LIN7C: variants seen among roughly 807,000 people sequenced by gnomAD.
The protein encoded by LIN7C is lin-7 cell polarity scaffold C, also known as protein lin-7 homolog C.
A neutral mutation model predicts 24.7 loss-of-function variants in LIN7C; 17 were observed. That is an observed-to-expected ratio of 0.69 (90% CI 0.47 to 1.03). The LOEUF (loss-of-function observed/expected upper bound fraction) is 1.03. LIN7C is among the 50% of genes least tolerant of loss of function. The pLI, the probability that LIN7C is intolerant of heterozygous loss-of-function variation, is 0.00. For missense variants in LIN7C, 204 were observed against 239.0 expected (o/e 0.85, Z 0.97); for synonymous variants, 90 against 83.4 (o/e 1.08, Z -0.43).
At position 27,497,140 on chromosome 11, in the gene LIN7C, A is replaced by G. The variant is rs2133485774; in HGVS notation, c.*1509T>C. The G allele has an allele frequency of 6.5e-6, 1 of 152,714 alleles. No homozygotes were observed. Among genetic ancestry groups the G allele is most frequent in the South Asian group, 2.1e-4 (1 of 4,832 alleles). The allele number at this position is 152,714 out of a possible 1,614,324, so 9.5% of individuals were successfully genotyped here. A position where few individuals can be genotyped will look rare whatever the true frequency, so the allele number is the denominator to read the frequency against. The stretch of plus-strand genomic sequence containing the variant: ...ACCTTAATGATAAATAACAATGCTG[A>G]TTGACTTTTATTTTGAAAAATCATT... On this transcript the variant is annotated 3_prime_UTR_variant, in exon 5 of 5. Coordinates refer to ENST00000278193, the MANE Select transcript of LIN7C (RefSeq NM_018362.4).
intron 1 of LIN7C, among the ~76,000 whole-genome samples, chr11:27,506,160 C>G (rs1294024743): frequency 6.6e-6 from 1 of 152,190 alleles, no homozygotes; most frequent in Non-Finnish European, 1.5e-5. Flanking sequence ...TTCCCAAGAC[C>G]AAGTCAGTAG....
chr11:27,505,048 A>G (rs1487643110), intron 1 of LIN7C, among the ~76,000 whole-genome samples: 5 of 152,020 alleles, frequency 3.3e-5, no homozygotes, highest in Non-Finnish European at 5.9e-5. Flanking sequence ...AAATACAAAG[A>G]CCGGCCGGGT....
At chr11:27,505,518 TC>T (rs1326470055) in intron 1 of LIN7C, among the ~76,000 whole-genome samples, 2 of 152,208 alleles carry the variant, frequency 1.3e-5, no homozygotes, top group African/African-American at 4.8e-5. Flanking sequence ...GAGTAGCTAG[TC>T]CTCTAAAATG....
chr11:27,498,583 T>C lies in LIN7C; in HGVS notation c.*66A>G, dbSNP rs988400909. ...CTTACAATCATTGGCATTGCAGCCATTAGTAAGTCACAAGGAAAACTTCTC... is the reference window on the plus strand; with the variant it reads ...CTTACAATCATTGGCATTGCAGCCACTAGTAAGTCACAAGGAAAACTTCTC... On this transcript the variant is annotated 3_prime_UTR_variant, in exon 5 of 5. Coordinates refer to ENST00000278193, the MANE Select transcript of LIN7C (RefSeq NM_018362.4). The C allele has an allele frequency of 3.4e-5, 48 of 1,428,298 alleles. No homozygotes were observed. The African/African-American group carries it at 5.7e-4, about 17-fold the overall frequency. The allele number at this position is 1,428,298 out of a possible 1,614,324, so 88.5% of individuals were successfully genotyped here.
intron 3 of LIN7C, among the ~76,000 whole-genome samples, chr11:27,500,591 T>C (rs1865214978): frequency 6.6e-6 from 1 of 152,136 alleles, no homozygotes; most frequent in Non-Finnish European, 1.5e-5. Context: ...TCTAGTACCA[T>C]TTTTTTGTGA....
rs952930251 is a variant in LIN7C at position 27,496,655 on chromosome 11, G to A, written c.*1994C>T. 1.6e-4 allele frequency: 24 copies of A among 152,142 alleles called. No individual in the cohort carries two copies. The highest frequency in any genetic ancestry group is 5.5e-4 in the African/African-American group (23 of 41,508). The allele number at this position is 152,142 out of a possible 1,614,324, so 9.4% of individuals were successfully genotyped here. A position where few individuals can be genotyped will look rare whatever the true frequency, so the allele number is the denominator to read the frequency against. On this transcript the variant is annotated 3_prime_UTR_variant, in exon 5 of 5. Transcript: ENST00000278193. ...CACAAAGAACAGATTGTGGATTACCGTAGGGAAAAAAATAGCTTACTCAAC... is the reference window on the plus strand; with the variant it reads ...CACAAAGAACAGATTGTGGATTACCATAGGGAAAAAAATAGCTTACTCAAC...
In LIN7C at chr11:27,495,177, CAT is replaced by C. The variant is rs1865150742; in HGVS notation, c.*3470_*3471del. ...GGAGGACAATGATATTTTTTAAAAA[CAT>C]ATTTGAGGCTGGGCATGGTGGCTCA... is the stretch of plus-strand genomic sequence containing the variant. On this transcript the variant is annotated 3_prime_UTR_variant, in exon 5 of 5. Transcript: ENST00000278193. 6.6e-6 allele frequency: 1 copy of C among 152,164 alleles called. No homozygotes were observed. Among genetic ancestry groups the C allele is most frequent in the Admixed American group, 6.5e-5 (1 of 15,268 alleles). 9.4% of individuals were successfully genotyped at this position (152,164 alleles called of 1,614,324 possible). A position where few individuals can be genotyped will look rare whatever the true frequency, so the allele number is the denominator to read the frequency against.
At position 27,500,660 on chromosome 11, in the gene LIN7C, T is replaced by C. The variant is rs118005977; in HGVS notation, c.228+835A>G. 3.9e-3 allele frequency among the ~76,000 whole-genome samples: 592 copies of C among 151,326 alleles called. 3 individuals carry two copies. Among genetic ancestry groups the C allele is most frequent in the Middle Eastern group, 0.021 (6 of 292 alleles). ...AAGATTTACTGAACACCCGTTATCT[T>C]TGAAGAAATCAAGATTTACTGAATA... On this transcript the variant is annotated intron_variant, in intron 3 of 4. Coordinates refer to ENST00000278193, the MANE Select transcript of LIN7C (RefSeq NM_018362.4).
In LIN7C at chr11:27,498,707, T is replaced by A; in HGVS notation, c.536A>T (p.Glu179Val). 1 of 1,614,094 alleles carries A rather than the reference T, an allele frequency of 6.2e-7. No homozygotes were observed. Residue 179 changes from glutamate to valine, a missense_variant, in exon 5 of 5, where the codon GAA (glutamate) becomes GTA (valine). Glu to Val is a moderately radical substitution (Grantham distance 121). This residue lies in a region of LIN7C where 74 missense variants were observed against 99.6 expected (regional missense o/e 0.74). Coordinates refer to ENST00000278193, the MANE Select transcript of LIN7C (RefSeq NM_018362.4). ...TTTTTCAAAGCGCGACTCCATTTCT[T>A]CTAAGACTTTGGGTGTGTATCGTAC... ...LVVRYTPKVL[E>V]EMESRFEKMR...
chr11:27,500,450 T>G (rs143758701), intron 3 of LIN7C, among the ~76,000 whole-genome samples: 1 of 152,330 alleles, frequency 6.6e-6, no homozygotes, highest in African/African-American at 2.4e-5. Context: ...TTGCTTTAGT[T>G]AACTAGACAC....
In LIN7C at chr11:27,501,908, G is replaced by A; in HGVS notation, c.50C>T (p.Ala17Val). The A allele has an allele frequency of 6.3e-7, 1 of 1,593,870 alleles. No homozygotes were observed. ...PVRLERDICRAIELLEKLQRS... is the reference protein window; with the variant it reads ...PVRLERDICRVIELLEKLQRS... ...TTGTAGTTTTTCCAATAATTCAATT[G>A]CTCTACAAATATCTAGAGTTAAACA... is the stretch of plus-strand genomic sequence containing the variant. Residue 17 changes from alanine (A) to valine (V), a missense_variant, in exon 2 of 5, where the codon GCA becomes GTA. Around this residue, in one of 3 missense-constraint regions of LIN7C, gnomAD observed 126 missense variants for 117.8 expected, o/e 1.07. Coordinates refer to ENST00000278193, the MANE Select transcript of LIN7C (RefSeq NM_018362.4).
In LIN7C at chr11:27,496,758, C is replaced by A. The variant is rs758207279; in HGVS notation, c.*1891G>T. The A allele has an allele frequency of 1.3e-5, 2 of 152,098 alleles. No homozygotes were observed. Among genetic ancestry groups the A allele is most frequent in the African/African-American group, 4.8e-5 (2 of 41,422 alleles). The allele number at this position is 152,098 out of a possible 1,614,324, so 9.4% of individuals were successfully genotyped here. On this transcript the variant is annotated 3_prime_UTR_variant, in exon 5 of 5. Coordinates refer to ENST00000278193, the MANE Select transcript of LIN7C (RefSeq NM_018362.4). The stretch of plus-strand genomic sequence containing the variant: ...ACAGCTGAGACACAGAACCAGGAAG[C>A]TATAATTTATAATGAAATGTTGATA...
At chr11:27,499,841 A>T (rs537262753) in intron 3 of LIN7C, among the ~76,000 whole-genome samples, 15 of 151,972 alleles carry the variant, frequency 9.9e-5, no homozygotes, top group Non-Finnish European at 1.8e-4. Flanking sequence ...ATTAGCCAGG[A>T]TGGTCTCGAT....
Position 27,506,755 on chromosome 11 carries a change from T to C in LIN7C, c.-3A>G, listed in dbSNP as rs770170675. On this transcript the variant is annotated 5_prime_UTR_variant, in exon 1 of 5. Coordinates refer to ENST00000278193, the MANE Select transcript of LIN7C (RefSeq NM_018362.4). ...ACGGGTTCCCCTAGCGCCGCCATCT[T>C]CTCCCTTAACCTACAGACCCACAGG... The C allele has an allele frequency of 2.5e-6, 4 of 1,613,706 alleles. No homozygotes were observed. The highest frequency in any genetic ancestry group is 3.4e-6 in the Non-Finnish European group (4 of 1,179,904).
chr11:27,501,639 G>GTTAAAATTTCAGGCAAGT, intron 2 of LIN7C, 73 bp from the exon 3 acceptor site: 1 of 1,074,420 alleles, frequency 9.3e-7, no homozygotes, highest in Non-Finnish European at 1.4e-6. Flanking sequence ...TTCAGGCAAA[G>GTTAAAATTTCAGGCAAGT]TTATGCATCT....
In LIN7C at chr11:27,499,517, C is replaced by A. The variant is rs764619140; in HGVS notation, c.280G>T (p.Val94Phe). Residue 94 changes from valine to phenylalanine, a missense_variant, in exon 4 of 5, where the codon GTT becomes TTT. Coordinates refer to ENST00000278193, the MANE Select transcript of LIN7C (RefSeq NM_018362.4). ...CCCTCTTCTGTTTTTGGTAGCTCAACAACTCGAGGATGAGAATGTCCTTCA... is the reference window on the plus strand; with the variant it reads ...CCCTCTTCTGTTTTTGGTAGCTCAAAAACTCGAGGATGAGAATGTCCTTCA... ...ASEGHSHPRV[V>F]ELPKTEEGLG... is the part of the protein sequence containing the mutation. The A allele has an allele frequency of 6.2e-7, 1 of 1,614,224 alleles. No homozygotes were observed. Among genetic ancestry groups the A allele is most frequent in the Non-Finnish European group, 8.5e-7 (1 of 1,180,038 alleles).
In LIN7C at chr11:27,499,491, G is replaced by C. The variant is rs775371009; in HGVS notation, c.306C>G (p.Gly102=). ...TGCCTCCCATAATATTGAATCCAAG[G>C]CCCTCTTCTGTTTTTGGTAGCTCAA... ...RVVELPKTEE[G]LGFNIMGGKE... The change falls in exon 4 of 5, where the codon GGC becomes GGG. Residue 102 remains glycine (G), a synonymous_variant. Transcript: ENST00000278193. 66 of 1,614,008 alleles carry C rather than the reference G, an allele frequency of 4.1e-5. No individual in the cohort carries two copies. The East Asian group carries it at 1.4e-3, about 34-fold the overall frequency.
intron 1 of LIN7C, among the ~76,000 whole-genome samples, chr11:27,503,836 G>A (rs1459212517): frequency 1.3e-5 from 2 of 151,818 alleles, no homozygotes; most frequent in African/African-American, 4.8e-5. Context: ...TTATTTATTT[G>A]AGATGGAGTC....
intron 1 of LIN7C, among the ~76,000 whole-genome samples, chr11:27,505,838 T>C (rs777494939): frequency 6.6e-6 from 1 of 152,216 alleles, no homozygotes; most frequent in Non-Finnish European, 1.5e-5. Flanking sequence ...TGATTTCTAA[T>C]GCTGGTGTAT....
Sources: allele counts gnomAD v4.1 joint callset (sites outside exome capture counted in the v4.1 genomes callset), GRCh38; gene constraint gnomAD v4.1.1; regional missense constraint gnomAD v4.1.1; transcripts MANE v1.5; gene names NCBI Gene and HGNC (gene_info 2026-07-23, HGNC 2026-07-21).